The following SEZ6 variants were observed in gnomAD, a reference collection of about 807,000 sequenced individuals.
The protein encoded by SEZ6 is seizure related 6 homolog, also known as seizure protein 6 homolog.
Under a neutral mutation model 101.0 loss-of-function variants are expected in SEZ6, and 53 were observed. The observed-to-expected ratio is 0.52, with a 90% CI of 0.42 to 0.66. SEZ6 has a LOEUF of 0.66. Ranked by LOEUF, SEZ6 falls within the 30% of genes least tolerant of loss-of-function variation. SEZ6 has a pLI of 0.00. For synonymous variants in SEZ6, 488 were observed against 512.2 expected (o/e 0.95, Z 0.64); for missense variants, 1,102 against 1,289.4 (o/e 0.85, Z 2.23).
intron 1 of SEZ6, among the ~76,000 whole-genome samples, chr17:28,985,038 C>G (rs1424868466): frequency 6.6e-6 from 1 of 152,184 alleles, no homozygotes; most frequent in Non-Finnish European, 1.5e-5. Flanking sequence ...TTACAAAGAC[C>G]TGAAGCCTAG....
rs531799846 is a variant in SEZ6 at position 28,975,387 on chromosome 17, T to C, written c.858+4293A>G. Among the ~76,000 whole-genome samples the C allele has an allele frequency of 9.9e-5, 15 of 152,194 alleles. No homozygotes were observed. In the East Asian group the frequency reaches 2.9e-3, roughly 29 times the overall value. ...AGGAGAAGCCTGGTGCATCATCTGGTTCAATCTCCCTTTATAGAGAGGTAA... is the reference window on the plus strand; with the variant it reads ...AGGAGAAGCCTGGTGCATCATCTGGCTCAATCTCCCTTTATAGAGAGGTAA... On this transcript the variant is annotated intron_variant, in intron 3 of 16. Coordinates refer to ENST00000317338, the MANE Select transcript of SEZ6 (RefSeq NM_178860.5).
chr17:28,979,934 C>T, intron 2 of SEZ6, 121 bp from the exon 3 acceptor site: 2 of 1,106,596 alleles, frequency 1.8e-6, no homozygotes, highest in Non-Finnish European at 2.4e-6. Flanking sequence ...TGGTGAAGAC[C>T]ACCTCTTGTG....
At position 28,959,571 on chromosome 17, in the gene SEZ6, A is replaced by T. The variant is rs1397771553; in HGVS notation, c.1772-99T>A. ...TGCCCACAAATTGCTGGGACCCCCC[A>T]CCTCCTCCTTGGAGGAAGCCTGAAC... is the stretch of plus-strand genomic sequence containing the variant. On this transcript the variant is annotated intron_variant, in intron 8 of 16. Coordinates refer to ENST00000317338, the MANE Select transcript of SEZ6 (RefSeq NM_178860.5). This position sits in a 1 kb window ranked among gnomAD's most constrained non-coding sequence, Gnocchi z 4.4. 22 of 1,552,110 alleles carry T rather than the reference A, an allele frequency of 1.4e-5. No homozygotes were observed. Among genetic ancestry groups the T allele is most frequent in the Non-Finnish European group, 1.9e-5 (22 of 1,150,394 alleles).
At chr17:29,004,529 A>T (rs189773026) in intron 1 of SEZ6, among the ~76,000 whole-genome samples, 34 of 152,298 alleles carry the variant, frequency 2.2e-4, no homozygotes, top group Non-Finnish European at 4.0e-4. Flanking sequence ...GCTCAGAAAA[A>T]GGCTTCTGCG....
intron 3 of SEZ6, among the ~76,000 whole-genome samples, chr17:28,978,394 T>C (rs1351722779): frequency 6.6e-6 from 1 of 152,200 alleles, no homozygotes; most frequent in Non-Finnish European, 1.5e-5. Flanking sequence ...ACAGTCTAGC[T>C]GGGGAGGTGG....
Position 28,957,996 on chromosome 17 carries a change from C to T in SEZ6, c.2253G>A (p.Met751Ile). The T allele has an allele frequency of 1.2e-6, 2 of 1,614,002 alleles. No individual in the cohort carries two copies. The highest frequency in any genetic ancestry group is 1.7e-6 in the Non-Finnish European group (2 of 1,179,872). The change falls in exon 11 of 17, where the codon ATG (methionine) becomes ATA (isoleucine). Residue 751 changes from methionine (M) to isoleucine (I), a missense_variant. Met to Ile is a conservative substitution (Grantham distance 10). This residue lies in a region of SEZ6 where 556 missense variants were observed against 735.1 expected (regional missense o/e 0.76). Coordinates refer to ENST00000317338, the MANE Select transcript of SEZ6 (RefSeq NM_178860.5). ...GYQVVGSSVLMCQWDLTWSED... is the reference protein window; with the variant it reads ...GYQVVGSSVLICQWDLTWSED... The stretch of plus-strand genomic sequence containing the variant: ...CACTCCAAGTTAGGTCCCACTGGCA[C>T]ATGAGGACACTGGATCCCACTACCT...
In SEZ6 at chr17:28,960,474, G is replaced by A. The variant is rs369790519; in HGVS notation, c.1576+31C>T. The A allele has an allele frequency of 5.4e-4, 857 of 1,572,480 alleles. 2 individuals are homozygous for A. Among genetic ancestry groups the A allele is most frequent in the Non-Finnish European group, 5.6e-4 (654 of 1,160,128 alleles). On this transcript the variant is annotated intron_variant, in intron 7 of 16. Transcript: ENST00000317338. ...GGCCCGAGCCCATCCCCGTGGACCC[G>A]CCACCCCCAGTGAGGCCCCAGCAGG... is the stretch of plus-strand genomic sequence containing the variant.
chr17:28,957,464 G>T lies in SEZ6; in HGVS notation c.2378C>A (p.Ala793Asp), dbSNP rs774913042. ...LISSPKFPVG[A>D]TVQYICDQGF... ...CTGGTCACAGATATATTGCACGGTG[G>T]CCCCCACGGGAAACTTGGGGCTGGA... Residue 793 changes from alanine (A) to aspartate (D), a missense_variant, in exon 12 of 17, where the codon GCC (alanine) becomes GAC (aspartate). By Grantham distance (126) the Ala-to-Asp change is moderately radical (BLOSUM62 -2). Transcript: ENST00000317338. The T allele has an allele frequency of 6.2e-7, 1 of 1,613,976 alleles. No homozygotes were observed. The highest frequency in any genetic ancestry group is 8.5e-7 in the Non-Finnish European group (1 of 1,179,886).
At chr17:29,003,656 G>A (rs1249396666) in intron 1 of SEZ6, among the ~76,000 whole-genome samples, 1 of 152,224 alleles carries the variant, frequency 6.6e-6, no homozygotes, top group Non-Finnish European at 1.5e-5. Flanking sequence ...CCACTGAGAT[G>A]ACTCACTATC....
chr17:28,967,355 C>G (rs2041086421), intron 4 of SEZ6, among the ~76,000 whole-genome samples: 1 of 152,210 alleles, frequency 6.6e-6, no homozygotes, highest in South Asian at 2.1e-4. Context: ...CCTCATCACA[C>G]AGCAAGGAAG....
chr17:28,968,240 AG>A (rs764307104), intron 4 of SEZ6, among the ~76,000 whole-genome samples: 32 of 152,190 alleles, frequency 2.1e-4, no homozygotes, highest in Non-Finnish European at 4.7e-4. Flanking sequence ...GCCTATAATT[AG>A]GGGAATTACA....
chr17:28,979,069 G>C (rs2041262582), intron 3 of SEZ6, among the ~76,000 whole-genome samples: 1 of 152,126 alleles, frequency 6.6e-6, no homozygotes, highest in Admixed American at 6.5e-5. Flanking sequence ...ACAAAAGGAA[G>C]ATTTGGGTTT....
chr17:28,956,056 A>G lies in SEZ6; in HGVS notation c.2953-62T>C, dbSNP rs940712233. On this transcript the variant is annotated intron_variant, in intron 16 of 16. Transcript: ENST00000317338. ...GCCATAATTCACCTTCCCTAGGAAA[A>G]GGGAAAAAGTGAGAGGGCTTGGCAG... is the stretch of plus-strand genomic sequence containing the variant. 1.6e-5 allele frequency: 25 copies of G among 1,603,908 alleles called. No individual in the cohort carries two copies. The East Asian group carries it at 3.6e-4, about 23-fold the overall frequency.
intron 1 of SEZ6, among the ~76,000 whole-genome samples, chr17:28,990,168 C>T (rs1175759429): frequency 6.6e-6 from 1 of 152,208 alleles, no homozygotes; most frequent in African/African-American, 2.4e-5. Context: ...TAGTTAGCAG[C>T]CGTTATTCTG....
chr17:28,966,679 G>A (rs1435485597), intron 4 of SEZ6, among the ~76,000 whole-genome samples: 2 of 152,152 alleles, frequency 1.3e-5, no homozygotes, highest in Non-Finnish European at 2.9e-5. Flanking sequence ...TAAATGGGAG[G>A]AGAGGTCCAT....
Position 28,970,906 on chromosome 17 carries a change from C to T in SEZ6, c.859-954G>A, listed in dbSNP as rs79031596. Among the ~76,000 whole-genome samples, 203 of 152,346 alleles carry T rather than the reference C, an allele frequency of 1.3e-3. 3 individuals carry two copies. The East Asian group carries it at 0.037, about 28-fold the overall frequency. ...CTGGGCCTTACACCATGCCCCTCCG[C>T]ATGTCAATCGTGATTCTCTCTTTTT... On this transcript the variant is annotated intron_variant, in intron 3 of 16. Transcript: ENST00000317338.
Position 28,959,626 on chromosome 17 carries a change from G to A in SEZ6, c.1771+72C>T, listed in dbSNP as rs1448655691. The A allele has an allele frequency of 4.6e-6, 7 of 1,532,060 alleles. No individual in the cohort carries two copies. The highest frequency in any genetic ancestry group is 4.1e-5 in the African/African-American group (3 of 72,878). 94.9% of individuals were successfully genotyped at this position (1,532,060 alleles called of 1,614,324 possible). A position where few individuals can be genotyped will look rare whatever the true frequency, so the allele number is the denominator to read the frequency against. The stretch of plus-strand genomic sequence containing the variant: ...CATATCACAGGGCCCCTGTGGCCCC[G>A]GGCTCTGCTGCTATTCTCCTGGTAT... On this transcript the variant is annotated intron_variant, in intron 8 of 16. Coordinates refer to ENST00000317338, the MANE Select transcript of SEZ6 (RefSeq NM_178860.5). This position sits in a 1 kb window ranked among gnomAD's most constrained non-coding sequence, Gnocchi z 4.4.
intron 4 of SEZ6, among the ~76,000 whole-genome samples, chr17:28,965,921 C>G (rs2041059465): frequency 6.7e-6 from 1 of 149,436 alleles, no homozygotes; most frequent in African/African-American, 2.5e-5. Context: ...GACGGATGGC[C>G]TGAGGTCAAG....
At chr17:28,956,834 T>C in intron 13 of SEZ6, 77 bp from the exon 14 acceptor site, 1 of 1,503,332 alleles carries the variant, frequency 6.7e-7, no homozygotes, top group Non-Finnish European at 9.1e-7. Flanking sequence ...GAGGAGGTAG[T>C]GGGATGATCA....
Sources: gnomAD v4.1 joint callset for allele counts (sites outside exome capture counted in the v4.1 genomes callset) on GRCh38, gnomAD v4.1.1 for gene constraint, gnomAD v4.1.1 regional missense constraint, Gnocchi (gnomAD v3.1) non-coding constraint, MANE v1.5 for transcripts, NCBI Gene and HGNC (gene_info 2026-07-23, HGNC 2026-07-21) for gene names.